CELF2: variants seen among roughly 807,000 people sequenced by gnomAD.
CELF2 encodes CUGBP Elav-like family member 2, also known as CUG triplet repeat RNA-binding protein 2.
CELF2 carries 8 observed loss-of-function variants against 62.6 expected under a neutral mutation model. That is an observed-to-expected ratio of 0.13 (90% CI 0.07 to 0.23). The LOEUF is 0.23. CELF2 is among the 10% of genes least tolerant of loss of function. The probability of loss-of-function intolerance (pLI) is 1.00; values close to 1 mark genes in which losing one functional copy is unlikely to be tolerated. For synonymous variants in CELF2, 258 were observed against 250.0 expected, an observed-to-expected ratio of 1.03 and a Z score of -0.30; for missense variants, 333 against 671.0, an observed-to-expected ratio of 0.50 and a Z score of 5.56.
At chr10:10,768,126 A>T in the CELF2 span, among the ~76,000 whole-genome samples, 44 of 151,090 alleles carry the variant, frequency 2.9e-4, no homozygotes, top group African/African-American at 1.0e-3. Context: ...AGACCACGCC[A>T]CTGCACTCCA....
the CELF2 span, among the ~76,000 whole-genome samples, chr10:10,771,450 T>A: frequency 6.6e-6 from 1 of 152,192 alleles, no homozygotes; most frequent in Non-Finnish European, 1.5e-5. Flanking sequence ...CTGATTCTGG[T>A]TTCTGAAGTT....
intron 3 of CELF2, among the ~76,000 whole-genome samples, chr10:11,219,220 G>A (rs372726655): frequency 4.6e-5 from 7 of 152,164 alleles, no homozygotes; most frequent in African/African-American, 1.2e-4. Flanking sequence ...CTTCATAGTC[G>A]AGGGTGCTCT....
chr10:10,652,321 T>A, the CELF2 span, among the ~76,000 whole-genome samples: 1 of 125,808 alleles, frequency 7.9e-6, no homozygotes, highest in Non-Finnish European at 1.7e-5. Flanking sequence ...CAGGAGAACT[T>A]CCCCAATCTA....
At chr10:11,158,994 A>G (rs1250520537) in intron 1 of CELF2, among the ~76,000 whole-genome samples, 1 of 152,234 alleles carries the variant, frequency 6.6e-6, no homozygotes. Flanking sequence ...TTTTCTTCAG[A>G]GGAGCTCAAG....
At chr10:10,597,037 C>T in the CELF2 span, among the ~76,000 whole-genome samples, 1 of 152,196 alleles carries the variant, frequency 6.6e-6, no homozygotes, top group African/African-American at 2.4e-5. Flanking sequence ...CATGAGCCTT[C>T]CTTGTGACAG....
chr10:10,492,174 T>G, the CELF2 span, among the ~76,000 whole-genome samples: 99 of 152,316 alleles, frequency 6.5e-4, no homozygotes, highest in African/African-American at 2.2e-3. Flanking sequence ...ATCTCTGCAG[T>G]TCATCCTCTG....
chr10:10,919,990 G>T, exon 2 of CELF2: 2 of 1,231,588 alleles, frequency 1.6e-6, no homozygotes, highest in Non-Finnish European at 2.0e-6. Flanking sequence ...TTAGCTGGGA[G>T]TCTACCAAGG....
the CELF2 span, among the ~76,000 whole-genome samples, chr10:10,478,525 A>G: frequency 6.6e-6 from 1 of 151,950 alleles, no homozygotes; most frequent in Non-Finnish European, 1.5e-5. Context: ...ACACGATAAA[A>G]CTCTCTCTAA....
chr10:10,869,171 A>AT (rs1358577052), intron 1 of CELF2, among the ~76,000 whole-genome samples: 1 of 152,194 alleles, frequency 6.6e-6, no homozygotes, highest in Non-Finnish European at 1.5e-5. Context: ...TCTAAAAAAA[A>AT]GTCTTGAGTT....
intron 2 of CELF2, among the ~76,000 whole-genome samples, chr10:10,923,351 A>G (rs1174407846): frequency 6.6e-6 from 1 of 152,176 alleles, no homozygotes; most frequent in African/African-American, 2.4e-5. Flanking sequence ...ACTGTCTTGA[A>G]ATGTTCCGAA....
intron 1 of CELF2, among the ~76,000 whole-genome samples, chr10:11,124,368 T>C (rs775399911): frequency 6.6e-6 from 1 of 152,210 alleles, no homozygotes; most frequent in Non-Finnish European, 1.5e-5. Flanking sequence ...CATGAGCCTT[T>C]TTTGAGGAAA....
intron 1 of CELF2, among the ~76,000 whole-genome samples, chr10:11,150,200 T>C (rs675870): frequency 0.5 from 75,623 of 152,076 alleles, 20,312 homozygotes; most frequent in East Asian, 0.83. Context: ...AAAACAAACA[T>C]ACACACTTTG....
chr10:11,277,393 C>T (rs1241173991), intron 8 of CELF2, among the ~76,000 whole-genome samples: 1 of 152,176 alleles, frequency 6.6e-6, no homozygotes, highest in African/African-American at 2.4e-5. Context: ...TCCCGAATTC[C>T]CCAGAGCCCT....
rs550602787 is a variant in CELF2, at chr10:10,834,611, A to G, written c.53+35794A>G. Among the ~76,000 whole-genome samples the G allele has an allele frequency of 3.9e-5, 6 of 152,282 alleles. No individual in the cohort carries two copies. In the East Asian group the frequency reaches 5.8e-4, roughly 15 times the overall value. On this transcript the variant is annotated intron_variant, in intron 1 of 13. Coordinates refer to the CELF2 transcript ENST00000636488. ...TCCAAGATTGCAGAGGTGAATGACC[A>G]TTGTTACGAGGGATGGCTAGTAGGG...
chr10:10,651,175 C>G, the CELF2 span, among the ~76,000 whole-genome samples: 2 of 122,100 alleles, frequency 1.6e-5, no homozygotes, highest in African/African-American at 6.0e-5. Context: ...GCTTAAAAAA[C>G]GGCGCACCAC....
chr10:11,053,724 C>T (rs1444872411), intron 1 of CELF2, among the ~76,000 whole-genome samples: 4 of 150,852 alleles, frequency 2.7e-5, no homozygotes, highest in Non-Finnish European at 5.9e-5. Context: ...ACACCATTCT[C>T]CTGCCTCAGC....
chr10:10,855,130 G>A (rs1383509412), intron 1 of CELF2, among the ~76,000 whole-genome samples: 1 of 152,176 alleles, frequency 6.6e-6, no homozygotes, highest in Admixed American at 6.5e-5. Context: ...CAGTCCCAGT[G>A]AGAATCTGCA....
At chr10:10,765,643 G>T in the CELF2 span, among the ~76,000 whole-genome samples, 1 of 152,188 alleles carries the variant, frequency 6.6e-6, no homozygotes, top group Admixed American at 6.5e-5. Flanking sequence ...TAAGTTAAAA[G>T]GTTGAGGGAA....
intron 1 of CELF2, among the ~76,000 whole-genome samples, chr10:10,837,728 G>A (rs532526590): frequency 3.3e-5 from 5 of 152,230 alleles, no homozygotes; most frequent in African/African-American, 1.2e-4. Flanking sequence ...AGACCCCTCA[G>A]ACACCTCCCT....
Sources: allele counts gnomAD v4.1 joint callset (sites outside exome capture counted in the v4.1 genomes callset), GRCh38; gene constraint gnomAD v4.1.1; transcripts MANE v1.5; gene names NCBI Gene and HGNC (gene_info 2026-07-23, HGNC 2026-07-21).